The following PIK3C3 variants were observed in gnomAD, a reference collection of about 807,000 sequenced individuals.
PIK3C3 encodes phosphatidylinositol 3-kinase catalytic subunit type 3.
In PIK3C3, 95 loss-of-function variants were observed where a neutral mutation model predicts 126.1. The ratio of observed to expected loss-of-function variants is 0.75; its 90% confidence interval spans 0.64 to 0.89. PIK3C3 has a LOEUF of 0.89. Among genes scored for constraint, PIK3C3 ranks in the 40% least tolerant of loss-of-function variants. The pLI is 0.00. For missense variants in PIK3C3, 829 were observed against 1,063.2 expected (o/e 0.78, Z 3.06); for synonymous variants, 374 against 360.0 (o/e 1.04, Z -0.44).
rs1366920843 is a variant in PIK3C3, at chr18:42,002,162, T to C, written c.985-2194T>C. Reference sequence around the variant, plus strand: ...TAGCTGAAAGTTGCCGAAAACTTCCTGTAAAACTTTCAACAAGATGACTTT... The same window carrying C: ...TAGCTGAAAGTTGCCGAAAACTTCCCGTAAAACTTTCAACAAGATGACTTT... On this transcript the variant is annotated intron_variant, in intron 9 of 24. Transcript: ENST00000262039. Among the ~76,000 whole-genome samples, 12 of 152,310 alleles carry C rather than the reference T, an allele frequency of 7.9e-5. No individual in the cohort carries two copies. The East Asian group carries it at 2.1e-3, about 27-fold the overall frequency.
At chr18:41,980,723 C>A (rs1981155822) in intron 4 of PIK3C3, among the ~76,000 whole-genome samples, 1 of 151,582 alleles carries the variant, frequency 6.6e-6, no homozygotes, top group African/African-American at 2.4e-5. Flanking sequence ...TAAAAATAAT[C>A]TCATTTTCTC....
At position 42,083,968 on chromosome 18, in the gene PIK3C3, T is replaced by C. The variant is rs940768304; in HGVS notation, c.*2831T>C. Reference sequence around the variant, plus strand: ...TTTAATCCCCAGAAGACAAGGCTTATTCCTTTTCTTATTTTTGGTCATGTT... The same window carrying C: ...TTTAATCCCCAGAAGACAAGGCTTACTCCTTTTCTTATTTTTGGTCATGTT... On this transcript the variant is annotated 3_prime_UTR_variant, in exon 25 of 25. Coordinates refer to ENST00000262039, the MANE Select transcript of PIK3C3 (RefSeq NM_002647.4). 3 of 152,214 alleles carry C rather than the reference T, an allele frequency of 2.0e-5. No individual in the cohort carries two copies. Among genetic ancestry groups the C allele is most frequent in the African/African-American group, 7.2e-5 (3 of 41,460 alleles). The allele number at this position is 152,214 out of a possible 1,614,324, so 9.4% of individuals were successfully genotyped here.
Position 42,086,495 on chromosome 18 carries a change from G to T in PIK3C3, c.*5358G>T, listed in dbSNP as rs1352238489. ...AGTCACAGGATGAGATAGGAGATTG[G>T]CTCAAGATAAGGTCACAAAGACCTT... On this transcript the variant is annotated 3_prime_UTR_variant, in exon 25 of 25. Transcript: ENST00000262039. 1.3e-5 allele frequency: 2 copies of T among 152,200 alleles called. No homozygotes were observed. Among genetic ancestry groups the T allele is most frequent in the Non-Finnish European group, 2.9e-5 (2 of 68,044 alleles). 9.4% of individuals were successfully genotyped at this position (152,200 alleles called of 1,614,324 possible). A position where few individuals can be genotyped will look rare whatever the true frequency, so the allele number is the denominator to read the frequency against.
intron 15 of PIK3C3, among the ~76,000 whole-genome samples, chr18:42,031,205 A>C (rs1983808665): frequency 6.6e-6 from 1 of 152,210 alleles, no homozygotes; most frequent in Non-Finnish European, 1.5e-5. Flanking sequence ...AATCATATGT[A>C]GCACTTTTTC....
chr18:42,035,964 C>T (rs938878842), intron 16 of PIK3C3, among the ~76,000 whole-genome samples: 2 of 152,034 alleles, frequency 1.3e-5, no homozygotes, highest in African/African-American at 4.8e-5. Flanking sequence ...TGTTTTCTTG[C>T]TTTAAATTTC....
Position 42,067,418 on chromosome 18 carries a change from G to T in PIK3C3, c.2554G>T (p.Asp852Tyr). Residue 852 changes from aspartate to tyrosine, a missense_variant, in exon 24 of 25, where the codon GAT becomes TAT. Physicochemically the swap from Asp to Tyr is radical, Grantham distance 160. Around this residue, in one of 4 missense-constraint regions of PIK3C3, gnomAD observed 196 missense variants for 312.8 expected, o/e 0.63. Transcript: ENST00000262039. ...VQDKFRLDLS[D>Y]EEAVHYMQSL... Reference sequence around the variant, plus strand: ...GGATAAATTCCGCTTAGACCTGTCGGATGAAGAGGCTGTGCATTACATGCA... The same window carrying T: ...GGATAAATTCCGCTTAGACCTGTCGTATGAAGAGGCTGTGCATTACATGCA... 4 of 1,614,076 alleles carry T rather than the reference G, an allele frequency of 2.5e-6. No homozygotes were observed. The highest frequency in any genetic ancestry group is 3.4e-6 in the Non-Finnish European group (4 of 1,179,916).
rs1598876834 is a variant in PIK3C3 at position 41,993,253 on chromosome 18, A to G, written c.715-17A>G. ...ATTAAATTTCTTTTTTTAAAAAATT[A>G]TTGCTCTGTAATCTAGGACGGTGAT... On this transcript the variant is annotated splice_polypyrimidine_tract_variant and intron_variant, in intron 6 of 24. Coordinates refer to ENST00000262039, the MANE Select transcript of PIK3C3 (RefSeq NM_002647.4). 1.9e-6 allele frequency: 3 copies of G among 1,553,702 alleles called. No individual in the cohort carries two copies. The highest frequency in any genetic ancestry group is 2.7e-6 in the Non-Finnish European group (3 of 1,131,524).
chr18:42,001,569 T>C (rs1982293354), intron 9 of PIK3C3, among the ~76,000 whole-genome samples: 1 of 152,226 alleles, frequency 6.6e-6, no homozygotes, highest in Admixed American at 6.5e-5. Context: ...TTTCTTATTC[T>C]TTGACTCCTT....
intron 12 of PIK3C3, among the ~76,000 whole-genome samples, chr18:42,016,934 C>T (rs767024250): frequency 9.2e-5 from 14 of 152,072 alleles, no homozygotes; most frequent in Non-Finnish European, 1.8e-4. Flanking sequence ...TTGATTTACA[C>T]TCCCCCATCA....
At chr18:42,075,963 C>T (rs1985955302) in intron 24 of PIK3C3, among the ~76,000 whole-genome samples, 2 of 148,812 alleles carry the variant, frequency 1.3e-5, no homozygotes, top group Admixed American at 6.7e-5. Flanking sequence ...GTAGATAACC[C>T]GTGTGCAGTT....
intron 2 of PIK3C3, 147 bp from the exon 3 acceptor site, chr18:41,962,342 A>G (rs1980130872): frequency 2.0e-6 from 1 of 495,440 alleles, no homozygotes; most frequent in African/African-American, 2.0e-5. Context: ...CTTTAGCAAA[A>G]TTGAGGTGAC....
intron 20 of PIK3C3, among the ~76,000 whole-genome samples, chr18:42,045,919 C>T (rs1421620963): frequency 1.3e-5 from 2 of 152,124 alleles, no homozygotes; most frequent in African/African-American, 4.8e-5. Context: ...CATACACACA[C>T]GCTTGCCCTG....
Position 42,045,235 on chromosome 18 carries a change from A to G in PIK3C3, c.2188+1418A>G, listed in dbSNP as rs189909615. On this transcript the variant is annotated intron_variant, in intron 20 of 24. Transcript: ENST00000262039. Reference sequence around the variant, plus strand: ...GTTTGTAAACGTGATTACATGCAGTATTTAAAGACTTAAAAACACTGAAGA... The same window carrying G: ...GTTTGTAAACGTGATTACATGCAGTGTTTAAAGACTTAAAAACACTGAAGA... Among the ~76,000 whole-genome samples the G allele has an allele frequency of 2.5e-3, 380 of 152,334 alleles. 2 individuals are homozygous for G. The highest frequency in any genetic ancestry group is 8.9e-3 in the African/African-American group (368 of 41,566).
At chr18:41,975,715 T>C (rs1347998907) in intron 4 of PIK3C3, among the ~76,000 whole-genome samples, 6 of 130,200 alleles carry the variant, frequency 4.6e-5, no homozygotes, top group Admixed American at 3.1e-4. Flanking sequence ...TTTTTTTTTT[T>C]CTGAGATGGA....
In PIK3C3 at chr18:42,021,459, G is replaced by A. The variant is rs140963973; in HGVS notation, c.1484+754G>A. ...TTGCTTCAATAAAAAAAAAGTACTGGGATTAAACACTAGATAAGAGGGCTT... is the reference window on the plus strand; with the variant it reads ...TTGCTTCAATAAAAAAAAAGTACTGAGATTAAACACTAGATAAGAGGGCTT... On this transcript the variant is annotated intron_variant, in intron 13 of 24. Coordinates refer to ENST00000262039, the MANE Select transcript of PIK3C3 (RefSeq NM_002647.4). Among the ~76,000 whole-genome samples the A allele has an allele frequency of 2.2e-3, 338 of 152,118 alleles. 1 individual carries two copies. Among genetic ancestry groups the A allele is most frequent in the African/African-American group, 7.5e-3 (312 of 41,490 alleles).
At chr18:41,956,837 C>CT (rs1979801526) in intron 1 of PIK3C3, among the ~76,000 whole-genome samples, 3 of 152,254 alleles carry the variant, frequency 2.0e-5, no homozygotes, top group Admixed American at 2.0e-4. Flanking sequence ...TTATAAGTCT[C>CT]TGTTTCCTCA....
chr18:41,957,864 A>G (rs1053895360), intron 2 of PIK3C3, 106 bp downstream of exon 2: 16 of 753,592 alleles, frequency 2.1e-5, no homozygotes, highest in East Asian at 1.0e-4. Flanking sequence ...CTTAATACCT[A>G]TAGGCATTGA....
chr18:42,019,787 C>T (rs1391268536), intron 12 of PIK3C3, among the ~76,000 whole-genome samples: 1 of 152,080 alleles, frequency 6.6e-6, no homozygotes, highest in Non-Finnish European at 1.5e-5. Context: ...GCATTTTGAA[C>T]TTAATATTTC....
At chr18:42,043,842 C>G in intron 20 of PIK3C3, 25 bp downstream of exon 20, 1 of 1,499,236 alleles carries the variant, frequency 6.7e-7, no homozygotes, top group South Asian at 1.1e-5. Context: ...CTATTACTTT[C>G]CATTGATCAG....
Sources: gnomAD v4.1 joint callset for allele counts (sites outside exome capture counted in the v4.1 genomes callset) on GRCh38, gnomAD v4.1.1 for gene constraint, gnomAD v4.1.1 regional missense constraint, MANE v1.5 for transcripts, NCBI Gene and HGNC (gene_info 2026-07-23, HGNC 2026-07-21) for gene names.